MDN1: variants seen among roughly 807,000 people sequenced by gnomAD.
MDN1 encodes midasin.
MDN1 carries 266 observed loss-of-function variants against 669.2 expected under a neutral mutation model. That is an observed-to-expected ratio of 0.40 (90% CI 0.36 to 0.44). MDN1 has a LOEUF of 0.44. Ranked by LOEUF, MDN1 falls within the 20% of genes least tolerant of loss-of-function variation. The probability of loss-of-function intolerance (pLI) is 1.00; values close to 1 mark genes in which losing one functional copy is unlikely to be tolerated. For missense variants in MDN1, 5,940 were observed against 6,754.0 expected (o/e 0.88, Z 4.22); for synonymous variants, 2,385 against 2,457.1 (o/e 0.97, Z 0.87).
rs372490176 is a variant in MDN1, at chr6:89,699,881, T to A, written c.8871-154A>T. Among the ~76,000 whole-genome samples, 4 of 151,778 alleles carry A rather than the reference T, an allele frequency of 2.6e-5. No homozygotes were observed. The East Asian group carries it at 5.8e-4, about 22-fold the overall frequency. On this transcript the variant is annotated intron_variant, in intron 57 of 101. Coordinates refer to ENST00000369393, the MANE Select transcript of MDN1 (RefSeq NM_014611.3). ...ATAAAATTCTCGGTGACTTTTAAAGTAGAGTCAAAACTAGTAAAAAAAAAA... is the reference window on the plus strand; with the variant it reads ...ATAAAATTCTCGGTGACTTTTAAAGAAGAGTCAAAACTAGTAAAAAAAAAA...
At chr6:89,773,351 C>T (rs1290894549) in intron 13 of MDN1, among the ~76,000 whole-genome samples, 1 of 151,874 alleles carries the variant, frequency 6.6e-6, no homozygotes, top group East Asian at 1.9e-4. Context: ...ACCAGCCTGG[C>T]CAATATGGTG....
rs1819001245 is a variant in MDN1, at chr6:89,787,068, C to T, written c.1334+786G>A. ...CCAGCTTGGGCAACACAGTGAGACC[C>T]CATTTCAAGAAAAAAAAAAAAAGAG... On this transcript the variant is annotated intron_variant, in intron 8 of 101. Transcript: ENST00000369393. 2.2e-5 allele frequency among the ~76,000 whole-genome samples: 3 copies of T among 136,270 alleles called. 1 individual carries two copies. The highest frequency in any genetic ancestry group is 2.8e-5 in the African/African-American group (1 of 35,338). 89.4% of individuals were successfully genotyped at this position (136,270 alleles called of 152,430 possible). A position where few individuals can be genotyped will look rare whatever the true frequency, so the allele number is the denominator to read the frequency against.
Position 89,745,530 on chromosome 6 carries a change from T to C in MDN1, c.4001A>G (p.Gln1334Arg). The C allele has an allele frequency of 6.2e-7, 1 of 1,614,164 alleles. No individual in the cohort carries two copies. The highest frequency in any genetic ancestry group is 8.5e-7 in the Non-Finnish European group (1 of 1,180,010). The part of the protein sequence containing the change: ...EKHFKKKLCP[Q>R]SLFSKENVLK... ...AACATTTTCTTTGGAGAAAAGAGATTGAGGACACAATTTTTTCTTGAAATG... is the reference window on the plus strand; with the variant it reads ...AACATTTTCTTTGGAGAAAAGAGATCGAGGACACAATTTTTTCTTGAAATG... The change falls in exon 28 of 102, where the codon CAA (glutamine) becomes CGA (arginine). Residue 1334 changes from glutamine to arginine, a missense_variant. Gln to Arg is a conservative substitution (Grantham distance 43, BLOSUM62 1). Transcript: ENST00000369393.
intron 26 of MDN1, among the ~76,000 whole-genome samples, chr6:89,748,199 G>T (rs568031308): frequency 1.3e-5 from 2 of 152,140 alleles, no homozygotes; most frequent in South Asian, 4.1e-4. Flanking sequence ...GGTGGTGCAC[G>T]CCTATAGTCG....
chr6:89,700,732 A>G lies in MDN1; in HGVS notation c.8552T>C (p.Val2851Ala). 6.2e-7 allele frequency: 1 copy of G among 1,614,178 alleles called. No individual in the cohort carries two copies. Among genetic ancestry groups the G allele is most frequent in the South Asian group, 1.1e-5 (1 of 91,082 alleles). ...TTTCTTTAATGTCCACTGAGAAGCAACCACTTGGAGACGGTTAATGTCTTC... is the reference window on the plus strand; with the variant it reads ...TTTCTTTAATGTCCACTGAGAAGCAGCCACTTGGAGACGGTTAATGTCTTC... ...WQEDINRLQVVASQWTLKKSL... is the reference protein window; with the variant it reads ...WQEDINRLQVAASQWTLKKSL... The change falls in exon 56 of 102, where the codon GTT becomes GCT. Residue 2851 changes from valine to alanine, a missense_variant. This residue lies in a region of MDN1 where 2,292 missense variants were observed against 2,638.3 expected (regional missense o/e 0.87). Coordinates refer to ENST00000369393, the MANE Select transcript of MDN1 (RefSeq NM_014611.3).
intron 2 of MDN1, among the ~76,000 whole-genome samples, chr6:89,800,087 T>C (rs1767537551): frequency 6.6e-6 from 1 of 151,802 alleles, no homozygotes; most frequent in Admixed American, 6.6e-5. Flanking sequence ...GTCAAAGATA[T>C]AATAAATCAT....
intron 1 of MDN1, among the ~76,000 whole-genome samples, chr6:89,807,323 G>C (rs1293191142): frequency 1.3e-5 from 2 of 152,128 alleles, no homozygotes; most frequent in South Asian, 2.1e-4. Flanking sequence ...CTGGGCTCAA[G>C]AGATCCACCT....
At chr6:89,810,080 A>C (rs1434658203) in intron 1 of MDN1, among the ~76,000 whole-genome samples, 1 of 150,218 alleles carries the variant, frequency 6.7e-6, no homozygotes, top group Non-Finnish European at 1.5e-5. Context: ...CCCTGACTGA[A>C]TGTTTTTCTT....
At chr6:89,757,557 T>G (rs1229174199) in intron 19 of MDN1, among the ~76,000 whole-genome samples, 1 of 152,204 alleles carries the variant, frequency 6.6e-6, no homozygotes, top group Non-Finnish European at 1.5e-5. Flanking sequence ...GTAATAAAGA[T>G]TCCTCTATCA....
chr6:89,764,987 G>A (rs185852085), intron 15 of MDN1, among the ~76,000 whole-genome samples: 123 of 152,270 alleles, frequency 8.1e-4, no homozygotes, highest in African/African-American at 2.5e-3. Context: ...GGCTGGGCGC[G>A]GTGGCTCACG....
chr6:89,642,690 GCTGA>G lies in MDN1; in HGVS notation c.*1311_*1314del, dbSNP rs751529459. On this transcript the variant is annotated 3_prime_UTR_variant, in exon 102 of 102. Transcript: ENST00000369393. ...GTTAGCACAGCATCAACTAGTAACA[GCTGA>G]CTGACTGATCCAGCAGAGAAGATCA... 3 of 152,204 alleles carry G rather than the reference GCTGA, an allele frequency of 2.0e-5. No individual in the cohort carries two copies. The highest frequency in any genetic ancestry group is 2.9e-5 in the Non-Finnish European group (2 of 68,044). 9.4% of individuals were successfully genotyped at this position (152,204 alleles called of 1,614,324 possible).
Position 89,781,378 on chromosome 6 carries a change from A to G in MDN1, c.1643+21T>C, listed in dbSNP as rs773769884. On this transcript the variant is annotated intron_variant, in intron 10 of 101. Transcript: ENST00000369393. ...AAAAAAAAAAGAAAGAAAGAAAAGA[A>G]AAAACTGTTTAGTCCAGTACCTTAG... 72 of 1,607,956 alleles carry G rather than the reference A, an allele frequency of 4.5e-5. 1 individual carries two copies. In the Admixed American group the frequency reaches 1.2e-3, roughly 26 times the overall value.
chr6:89,661,969 T>C (rs986973738), intron 87 of MDN1, 118 bp downstream of exon 87: 6 of 1,151,566 alleles, frequency 5.2e-6, no homozygotes, highest in Non-Finnish European at 7.4e-6. Context: ...TTTTATGAGG[T>C]AATGGGAGAG....
chr6:89,668,188 C>T (rs1249320220), intron 83 of MDN1, 37 bp from the exon 84 acceptor site: 2 of 1,607,926 alleles, frequency 1.2e-6, no homozygotes, highest in Admixed American at 1.7e-5. Context: ...CAATTAGGCA[C>T]AAAAGCAATT....
Position 89,695,674 on chromosome 6 carries a change from T to C in MDN1, c.9702A>G (p.Thr3234=). ...WVSLGLLQIQ[T]WLPQARFDPA... is the part of the protein sequence containing the mutation. ...GGTCAAAGCGTGCCTGGGGAAGCCA[T>C]GTCTGAATCTGGAGCAAGCCGAGGC... The change falls in exon 61 of 102, where the codon ACA becomes ACG. Residue 3234 remains threonine, a synonymous_variant. Transcript: ENST00000369393. The surrounding 1 kb of genome is among the most constrained non-coding windows in gnomAD (Gnocchi z 4.1). 1.2e-6 allele frequency: 2 copies of C among 1,613,500 alleles called. No individual in the cohort carries two copies. Among genetic ancestry groups the C allele is most frequent in the South Asian group, 1.1e-5 (1 of 91,058 alleles).
At chr6:89,815,359 G>T in intron 1 of MDN1, 1 of 455,816 alleles carries the variant, frequency 2.2e-6, no homozygotes, top group Non-Finnish European at 4.3e-6. Flanking sequence ...GGAAGAGAGT[G>T]GTGAAATGAC....
At position 89,700,431 on chromosome 6, in the gene MDN1, T is replaced by C. The variant is rs1813074385; in HGVS notation, c.8639-137A>G. ...AGCTCCTTAACCTAAGCTTTGAGATTCTCATCTGTGAAATGATATTAATAC... is the reference window on the plus strand; with the variant it reads ...AGCTCCTTAACCTAAGCTTTGAGATCCTCATCTGTGAAATGATATTAATAC... On this transcript the variant is annotated intron_variant, in intron 56 of 101. Transcript: ENST00000369393. The C allele has an allele frequency of 3.8e-6, 3 of 783,630 alleles. No homozygotes were observed. The East Asian group carries it at 8.0e-5, about 21-fold the overall frequency. 48.5% of individuals were successfully genotyped at this position (783,630 alleles called of 1,614,324 possible). A position where few individuals can be genotyped will look rare whatever the true frequency, so the allele number is the denominator to read the frequency against.
intron 91 of MDN1, 93 bp from the exon 92 acceptor site, chr6:89,656,061 G>A: frequency 9.1e-7 from 1 of 1,098,844 alleles, no homozygotes; most frequent in South Asian, 1.5e-5. Context: ...GACAGGATAA[G>A]TAAATCAGGT....
rs771059262 is a variant in MDN1, at chr6:89,790,260, A to T, written c.997T>A (p.Cys333Ser). The T allele has an allele frequency of 6.2e-7, 1 of 1,614,120 alleles. No homozygotes were observed. Among genetic ancestry groups the T allele is most frequent in the Non-Finnish European group, 8.5e-7 (1 of 1,180,012 alleles). Residue 333 changes from cysteine (C) to serine (S), a missense_variant, in exon 6 of 102, where the codon TGT becomes AGT. Around this residue, in one of 5 missense-constraint regions of MDN1, gnomAD observed 1,203 missense variants for 1,268.9 expected, o/e 0.95. Transcript: ENST00000369393. ...NAVLLEGPIG[C>S]GKTSLVEYLA... ...TATTCAACTAAGGAAGTTTTGCCAC[A>T]TCCTATTGGTCCTTCCAACAACACA...
Sources: gnomAD v4.1 joint callset for allele counts (sites outside exome capture counted in the v4.1 genomes callset) on GRCh38, gnomAD v4.1.1 for gene constraint, gnomAD v4.1.1 regional missense constraint, Gnocchi (gnomAD v3.1) non-coding constraint, MANE v1.5 for transcripts, NCBI Gene and HGNC (gene_info 2026-07-23, HGNC 2026-07-21) for gene names.